ROR1: variants seen among roughly 807,000 people sequenced by gnomAD.
ROR1 encodes the protein inactive tyrosine-protein kinase transmembrane receptor ROR1.
ROR1 carries 19 observed loss-of-function variants against 78.8 expected under a neutral mutation model. The ratio of observed to expected loss-of-function variants is 0.24; its 90% CI spans 0.17 to 0.35. The LOEUF (loss-of-function observed/expected upper bound fraction) is 0.35. Among genes scored for constraint, ROR1 ranks in the 10% least tolerant of loss-of-function variants. The pLI is 1.00. For synonymous variants in ROR1, 386 were observed against 433.6 expected (o/e 0.89, Z 1.36); for missense variants, 917 against 1,177.8 (o/e 0.78, Z 3.24).
chr1:63,893,794 G>T (rs1193615498), intron 1 of ROR1, among the ~76,000 whole-genome samples: 1 of 152,124 alleles, frequency 6.6e-6, no homozygotes, highest in African/African-American at 2.4e-5. Context: ...CTGGGAATAT[G>T]TTCCAGGATT....
At chr1:64,053,810 TTA>T (rs1201978378) in intron 4 of ROR1, among the ~76,000 whole-genome samples, 1 of 152,226 alleles carries the variant, frequency 6.6e-6, no homozygotes, top group Non-Finnish European at 1.5e-5. Context: ...TCATAGATTG[TTA>T]TATATTAGTT....
chr1:63,954,284 C>T (rs957612009), intron 1 of ROR1, among the ~76,000 whole-genome samples: 4 of 152,182 alleles, frequency 2.6e-5, no homozygotes, highest in Non-Finnish European at 5.9e-5. Context: ...AAAGTGAGGG[C>T]ACACCCAGCT....
intron 4 of ROR1, among the ~76,000 whole-genome samples, chr1:64,092,040 G>T (rs534257983): frequency 2.0e-5 from 3 of 152,156 alleles, no homozygotes; most frequent in South Asian, 2.1e-4. Context: ...TTGGGTGTGG[G>T]TTTATGGTGG....
intron 1 of ROR1, chr1:63,789,209 G>T (rs1644710620): frequency 3.3e-6 from 2 of 599,314 alleles, no homozygotes; most frequent in Admixed American, 1.9e-5. Flanking sequence ...TGGCATTGGA[G>T]ATTTCATTGG....
intron 1 of ROR1, among the ~76,000 whole-genome samples, chr1:63,814,146 G>A (rs1326323258): frequency 6.6e-6 from 1 of 152,194 alleles, no homozygotes; most frequent in Non-Finnish European, 1.5e-5. Context: ...GGTCAGAAAT[G>A]CCCTTCTGCT....
Position 64,162,767 on chromosome 1 carries a change from T to C in ROR1, c.1386+3575T>C, listed in dbSNP as rs183597900. 3.8e-3 allele frequency among the ~76,000 whole-genome samples: 583 copies of C among 152,360 alleles called. 4 individuals are homozygous for C. Among genetic ancestry groups the C allele is most frequent in the African/African-American group, 0.013 (559 of 41,586 alleles). On this transcript the variant is annotated intron_variant, in intron 8 of 8. Coordinates refer to ENST00000371079, the MANE Select transcript of ROR1 (RefSeq NM_005012.4). Reference sequence around the variant, plus strand: ...ATTTTCTATATTGCATTACAAATTTTACAATCTGAGTGAGGTTGTTTTTTC... The same window carrying C: ...ATTTTCTATATTGCATTACAAATTTCACAATCTGAGTGAGGTTGTTTTTTC...
intron 1 of ROR1, among the ~76,000 whole-genome samples, chr1:63,953,952 G>A (rs1465547923): frequency 1.3e-5 from 2 of 152,214 alleles, no homozygotes; most frequent in Non-Finnish European, 2.9e-5. Flanking sequence ...ACTTTAGGTT[G>A]AATCTGGGGC....
intron 2 of ROR1, among the ~76,000 whole-genome samples, chr1:64,026,207 CT>C (rs1358997944): frequency 2.0e-5 from 3 of 152,166 alleles, no homozygotes; most frequent in Non-Finnish European, 4.4e-5. Context: ...GGGCTGTTCT[CT>C]GGACTTTGCA....
intron 1 of ROR1, among the ~76,000 whole-genome samples, chr1:63,900,862 T>G (rs2100402827): frequency 6.6e-6 from 1 of 152,342 alleles, no homozygotes; most frequent in South Asian, 2.1e-4. Context: ...CATTCTTCAT[T>G]TATTTAACAA....
chr1:63,920,800 AG>A (rs1645648420), intron 1 of ROR1, among the ~76,000 whole-genome samples: 2 of 152,164 alleles, frequency 1.3e-5, no homozygotes, highest in Admixed American at 1.3e-4. Context: ...CCTTTAACCA[AG>A]TGGCATTCCC....
chr1:63,777,696 A>G (rs1644625704), intron 1 of ROR1, among the ~76,000 whole-genome samples: 1 of 152,174 alleles, frequency 6.6e-6, no homozygotes, highest in African/African-American at 2.4e-5. Flanking sequence ...TTGCTCTGAA[A>G]TTAGTATCAG....
At chr1:63,951,872 A>G (rs1447581289) in intron 1 of ROR1, among the ~76,000 whole-genome samples, 1 of 152,184 alleles carries the variant, frequency 6.6e-6, no homozygotes, top group Non-Finnish European at 1.5e-5. Flanking sequence ...TTAAGAAAAA[A>G]GAAAATTGGT....
chr1:64,167,104 C>G (rs1215153523), intron 8 of ROR1, among the ~76,000 whole-genome samples: 1 of 152,176 alleles, frequency 6.6e-6, no homozygotes, highest in Non-Finnish European at 1.5e-5. Context: ...CAAACTTGAA[C>G]CCAGGTCTGC....
At chr1:64,138,573 TCTCG>T (rs1361027323) in intron 5 of ROR1, among the ~76,000 whole-genome samples, 2 of 135,986 alleles carry the variant, frequency 1.5e-5, no homozygotes, top group Non-Finnish European at 3.1e-5. Context: ...TGAGATGGAG[TCTCG>T]CTCTGTCACC....
At chr1:64,052,951 C>T (rs1646845413) in intron 4 of ROR1, among the ~76,000 whole-genome samples, 1 of 152,044 alleles carries the variant, frequency 6.6e-6, no homozygotes, top group Admixed American at 6.6e-5. Flanking sequence ...AGACTAACTC[C>T]CAGAAAGAAT....
At chr1:64,017,321 A>G (rs957996877) in intron 2 of ROR1, among the ~76,000 whole-genome samples, 1 of 152,088 alleles carries the variant, frequency 6.6e-6, no homozygotes, top group South Asian at 2.1e-4. Flanking sequence ...CTTTGCTTAC[A>G]CCCAGTATAG....
rs1345274382 is a variant in ROR1, at chr1:63,923,841, C to T, written c.92-85464C>T. ...CCACTTACCCACCTCCACTGGATGC[C>T]CCTCGATACCCAGCTCACTGTGCCT... On this transcript the variant is annotated intron_variant, in intron 1 of 8. Coordinates refer to ENST00000371079, the MANE Select transcript of ROR1 (RefSeq NM_005012.4). Among the ~76,000 whole-genome samples the T allele has an allele frequency of 4.6e-5, 7 of 151,834 alleles. No homozygotes were observed. In the Admixed American group the frequency reaches 4.6e-4, roughly 10 times the overall value.
chr1:63,836,669 A>G (rs1645020466), intron 1 of ROR1, among the ~76,000 whole-genome samples: 1 of 152,172 alleles, frequency 6.6e-6, no homozygotes, highest in East Asian at 1.9e-4. Context: ...CCTAAAATTA[A>G]TTTCTTAAAA....
chr1:64,037,894 T>C (rs1646715777), intron 2 of ROR1, among the ~76,000 whole-genome samples: 1 of 152,062 alleles, frequency 6.6e-6, no homozygotes, highest in South Asian at 2.1e-4. Context: ...ACTGCACAGC[T>C]TCTGCCCTTC....
Sources: gnomAD v4.1 joint callset for allele counts (sites outside exome capture counted in the v4.1 genomes callset) on GRCh38, gnomAD v4.1.1 for gene constraint, MANE v1.5 for transcripts, NCBI Gene and HGNC (gene_info 2026-07-23, HGNC 2026-07-21) for gene names.